NRXN1: variants seen among roughly 807,000 people sequenced by gnomAD.
NRXN1 encodes neurexin-1.
In NRXN1, 39 loss-of-function variants were observed where a neutral mutation model predicts 150.9. The observed-to-expected ratio is 0.26, with a 90% confidence interval of 0.20 to 0.34. The LOEUF is 0.34. NRXN1 is among the 10% of genes least tolerant of loss of function. The probability of loss-of-function intolerance (pLI) is 1.00; values close to 1 mark genes in which losing one functional copy is unlikely to be tolerated. For synonymous variants in NRXN1, 924 were observed against 757.0 expected (o/e 1.22, Z -3.62); for missense variants, 1,815 against 1,949.9 (o/e 0.93, Z 1.30).
At chr2:50,008,190 C>G (rs894354767) in intron 21 of NRXN1, among the ~76,000 whole-genome samples, 1 of 152,078 alleles carries the variant, frequency 6.6e-6, no homozygotes, top group Non-Finnish European at 1.5e-5. Context: ...AGCATTGATA[C>G]ATGGTTTTCC....
intron 12 of NRXN1, among the ~76,000 whole-genome samples, chr2:50,511,299 C>G (rs1042554637): frequency 1.1e-4 from 17 of 152,236 alleles, no homozygotes; most frequent in Admixed American, 9.8e-4. Flanking sequence ...CTGATCTCTG[C>G]CAGCCTTGGC....
At chr2:50,510,958 A>T (rs1227236051) in intron 12 of NRXN1, among the ~76,000 whole-genome samples, 1 of 152,198 alleles carries the variant, frequency 6.6e-6, no homozygotes, top group Admixed American at 6.5e-5. Flanking sequence ...CATCATCTAC[A>T]AATAAGAAAC....
intron 5 of NRXN1, among the ~76,000 whole-genome samples, chr2:50,682,382 AC>A (rs1344012954): frequency 1.3e-5 from 2 of 152,106 alleles, no homozygotes; most frequent in Non-Finnish European, 2.9e-5. Context: ...ATGTCTTCTT[AC>A]TTTTTTAAAA....
intron 21 of NRXN1, among the ~76,000 whole-genome samples, chr2:50,047,035 T>C (rs748905698): frequency 2.6e-5 from 4 of 152,076 alleles, no homozygotes; most frequent in Non-Finnish European, 5.9e-5. Flanking sequence ...TATGGATGCA[T>C]TAAGGAAGGG....
At chr2:50,008,133 C>T (rs1249507790) in intron 21 of NRXN1, among the ~76,000 whole-genome samples, 1 of 152,016 alleles carries the variant, frequency 6.6e-6, no homozygotes, top group African/African-American at 2.4e-5. Flanking sequence ...ATTTCGTCTC[C>T]CCAAGTATCT....
At chr2:50,488,591 A>G (rs1382031964) in intron 15 of NRXN1, among the ~76,000 whole-genome samples, 2 of 152,124 alleles carry the variant, frequency 1.3e-5, no homozygotes, top group African/African-American at 2.4e-5. Flanking sequence ...GGAGCCCAGC[A>G]TTGATCTTTC....
At chr2:50,890,723 A>C (rs1402914257) in intron 5 of NRXN1, among the ~76,000 whole-genome samples, 1 of 151,916 alleles carries the variant, frequency 6.6e-6, no homozygotes, top group African/African-American at 2.4e-5. Context: ...TAAAACAAAA[A>C]ACATGAACAG....
intron 17 of NRXN1, among the ~76,000 whole-genome samples, chr2:50,459,146 T>C (rs1329772165): frequency 6.6e-6 from 1 of 152,092 alleles, no homozygotes; most frequent in Non-Finnish European, 1.5e-5. Context: ...AATCCAATCA[T>C]AATTATATTA....
At chr2:50,507,899 T>C (rs1446363198) in intron 12 of NRXN1, among the ~76,000 whole-genome samples, 1 of 151,910 alleles carries the variant, frequency 6.6e-6, no homozygotes, top group Non-Finnish European at 1.5e-5. Context: ...GAGTTCACAA[T>C]TTGTTTAACC....
intron 5 of NRXN1, among the ~76,000 whole-genome samples, chr2:50,765,276 T>C (rs1294278821): frequency 1.3e-5 from 2 of 151,980 alleles, no homozygotes; most frequent in Non-Finnish European, 2.9e-5. Flanking sequence ...AAAAACTACT[T>C]AAGCTTCTGG....
intron 5 of NRXN1, among the ~76,000 whole-genome samples, chr2:50,626,444 A>T: frequency 6.6e-6 from 1 of 152,084 alleles, no homozygotes; most frequent in East Asian, 1.9e-4. Flanking sequence ...TGAGGAGAAT[A>T]ACGATAATCA....
rs551047155 is a variant in NRXN1 at position 50,266,222 on chromosome 2, C to T, written c.3365-29252G>A. ...CCATGTTGGCCGGGTTGGTCTTGAA[C>T]GCCTGACCTAAGGTGATCCACCTGC... On this transcript the variant is annotated intron_variant, in intron 17 of 22. Coordinates refer to ENST00000401669, the MANE Select transcript of NRXN1 (RefSeq NM_001330078.2). 2.1e-4 allele frequency among the ~76,000 whole-genome samples: 32 copies of T among 149,366 alleles called. No homozygotes were observed. The East Asian group carries it at 3.0e-3, about 14-fold the overall frequency.
chr2:50,237,814 C>A (rs1178703686), intron 17 of NRXN1, among the ~76,000 whole-genome samples: 1 of 152,028 alleles, frequency 6.6e-6, no homozygotes, highest in Non-Finnish European at 1.5e-5. Flanking sequence ...CAAATCTCAT[C>A]TGAAATGGTA....
chr2:50,708,387 T>C (rs544915543), intron 5 of NRXN1, among the ~76,000 whole-genome samples: 1 of 152,328 alleles, frequency 6.6e-6, no homozygotes, highest in African/African-American at 2.4e-5. Context: ...ATCACCTCTG[T>C]GGCAAAGCTT....
At chr2:50,450,154 C>T (rs2086826164) in intron 17 of NRXN1, among the ~76,000 whole-genome samples, 1 of 152,118 alleles carries the variant, frequency 6.6e-6, no homozygotes, top group South Asian at 2.1e-4. Flanking sequence ...TATAAATTCA[C>T]CTTTGCTCAC....
At chr2:50,285,182 C>T (rs948922748) in intron 17 of NRXN1, among the ~76,000 whole-genome samples, 6 of 152,168 alleles carry the variant, frequency 3.9e-5, no homozygotes, top group African/African-American at 1.4e-4. Flanking sequence ...ATGGTGTGCC[C>T]ACTGAGTGCT....
chr2:50,945,583 G>C (rs1230783531), intron 2 of NRXN1, among the ~76,000 whole-genome samples: 3 of 151,570 alleles, frequency 2.0e-5, no homozygotes, highest in Non-Finnish European at 4.4e-5. Context: ...TAATGAGCCA[G>C]ATTTGGCCTA....
intron 5 of NRXN1, among the ~76,000 whole-genome samples, chr2:50,667,729 T>A (rs1005676544): frequency 2.0e-5 from 3 of 151,994 alleles, no homozygotes; most frequent in Non-Finnish European, 2.9e-5. Flanking sequence ...TCCCTTCTTA[T>A]CTTTACCACC....
At chr2:50,373,679 A>AAAGAAAGAAAAGAAAGAAAGAAAGAAAG (rs1553513456) in intron 17 of NRXN1, among the ~76,000 whole-genome samples, 1 of 65,638 alleles carries the variant, frequency 1.5e-5, no homozygotes, top group African/African-American at 6.0e-5. Context: ...AGAAAGAAAG[A>AAAGAAAGAAAAGAAAGAAAGAAAGAAAG]AAAGAAAGAA....
Sources: allele counts gnomAD v4.1 joint callset (sites outside exome capture counted in the v4.1 genomes callset), GRCh38; gene constraint gnomAD v4.1.1; transcripts MANE v1.5; gene names NCBI Gene and HGNC (gene_info 2026-07-23, HGNC 2026-07-21).